ZNF385D: variants seen among roughly 807,000 people sequenced by gnomAD.
ZNF385D encodes the protein zinc finger protein 659.
ZNF385D carries 15 observed loss-of-function variants against 35.8 expected under a neutral mutation model. The observed-to-expected ratio is 0.42, with a 90% CI of 0.28 to 0.64. The LOEUF (loss-of-function observed/expected upper bound fraction) is 0.64, where lower values mean the gene tolerates loss of function less well. Ranked by LOEUF, ZNF385D falls within the 30% of genes least tolerant of loss-of-function variation. The pLI is 0.23. For missense variants in ZNF385D, 474 were observed against 494.6 expected, an observed-to-expected ratio of 0.96 and a Z score of 0.39; for synonymous variants, 212 against 186.8, an observed-to-expected ratio of 1.13 and a Z score of -1.10.
chr3:21,908,513 A>G (rs1482001359), intron 3 of ZNF385D, among the ~76,000 whole-genome samples: 21 of 152,126 alleles, frequency 1.4e-4, no homozygotes. Context: ...GCAGATTGGA[A>G]ACACTGTAAC....
At chr3:21,650,338 T>C (rs2125214228) in intron 2 of ZNF385D, among the ~76,000 whole-genome samples, 1 of 152,102 alleles carries the variant, frequency 6.6e-6, no homozygotes, top group South Asian at 2.1e-4. Flanking sequence ...TGAGTATTTT[T>C]TTCTTCAAGT....
intron 3 of ZNF385D, among the ~76,000 whole-genome samples, chr3:22,079,718 T>C (rs1426729379): frequency 6.6e-6 from 1 of 152,064 alleles, no homozygotes; most frequent in Non-Finnish European, 1.5e-5. Context: ...TTTGTATCAT[T>C]TTCTCTTTGA....
At chr3:22,311,933 T>C (rs1049489069) in intron 2 of ZNF385D, among the ~76,000 whole-genome samples, 5 of 152,132 alleles carry the variant, frequency 3.3e-5, no homozygotes, top group African/African-American at 4.8e-5. Flanking sequence ...TCAGTCTTCA[T>C]TGAGGCTACA....
In ZNF385D at chr3:21,924,191, C is replaced by T. The variant is rs111267729; in HGVS notation, c.325+244626G>A. 7.7e-3 allele frequency among the ~76,000 whole-genome samples: 1,176 copies of T among 152,238 alleles called. 13 individuals are homozygous for T. The highest frequency in any genetic ancestry group is 0.027 in the African/African-American group (1,125 of 41,538). ...GGAACAGATGTATATTTCCCTATTT[C>T]TACCACTAAATTCTGAAAACCCTGG... On this transcript the variant is annotated intron_variant, in intron 3 of 5. Transcript: ENST00000494108.
intron 1 of ZNF385D, among the ~76,000 whole-genome samples, chr3:21,736,784 C>A (rs1273712602): frequency 6.6e-6 from 1 of 152,146 alleles, no homozygotes; most frequent in African/African-American, 2.4e-5. Flanking sequence ...CAAATCCATG[C>A]TCTAAGAGGT....
At chr3:22,312,559 A>G (rs889389844) in intron 2 of ZNF385D, among the ~76,000 whole-genome samples, 14 of 152,056 alleles carry the variant, frequency 9.2e-5, no homozygotes, top group Admixed American at 2.0e-4. Context: ...TTTACAAGAA[A>G]AAAACAAATA....
chr3:21,545,857 A>G (rs2062353557), intron 3 of ZNF385D, among the ~76,000 whole-genome samples: 1 of 152,128 alleles, frequency 6.6e-6, no homozygotes, highest in Admixed American at 6.5e-5. Context: ...TTGGGACCTC[A>G]AGAGGAGAGG....
At chr3:21,995,058 G>A (rs1308338178) in intron 3 of ZNF385D, among the ~76,000 whole-genome samples, 2 of 152,218 alleles carry the variant, frequency 1.3e-5, no homozygotes, top group Admixed American at 6.5e-5. Flanking sequence ...GACAGCAATG[G>A]GCCAAATAAG....
At chr3:22,021,273 A>G (rs1312952149) in intron 3 of ZNF385D, among the ~76,000 whole-genome samples, 1 of 152,028 alleles carries the variant, frequency 6.6e-6, no homozygotes, top group Non-Finnish European at 1.5e-5. Context: ...AAGACTCAAC[A>G]TGTGAAGCAT....
chr3:22,138,495 C>G (rs896922191), intron 3 of ZNF385D, among the ~76,000 whole-genome samples: 4 of 151,610 alleles, frequency 2.6e-5, no homozygotes, highest in Non-Finnish European at 5.9e-5. Context: ...CAGAACAGAG[C>G]CCTCAGAAAT....
intron 3 of ZNF385D, among the ~76,000 whole-genome samples, chr3:22,151,360 T>C (rs1271592195): frequency 6.6e-6 from 1 of 152,098 alleles, no homozygotes; most frequent in East Asian, 1.9e-4. Context: ...AGTATTATGT[T>C]ATTAAATACC....
At chr3:21,788,759 G>A (rs1006505386) in intron 3 of ZNF385D, among the ~76,000 whole-genome samples, 2 of 152,170 alleles carry the variant, frequency 1.3e-5, no homozygotes, top group African/African-American at 4.8e-5. Context: ...ATTCAAAGGA[G>A]GCAACAGTCT....
chr3:22,340,095 G>C (rs1164144455), intron 2 of ZNF385D, among the ~76,000 whole-genome samples: 5 of 152,064 alleles, frequency 3.3e-5, no homozygotes, highest in Non-Finnish European at 5.9e-5. Context: ...AATACATTAA[G>C]TATTATCCAT....
At chr3:21,761,202 C>T (rs1384566060) in intron 3 of ZNF385D, among the ~76,000 whole-genome samples, 2 of 152,216 alleles carry the variant, frequency 1.3e-5, no homozygotes, top group Admixed American at 1.3e-4. Flanking sequence ...CTTCACACAC[C>T]TGCAGCCATG....
At chr3:22,329,833 T>G (rs1575131794) in intron 2 of ZNF385D, among the ~76,000 whole-genome samples, 1 of 152,208 alleles carries the variant, frequency 6.6e-6, no homozygotes, top group African/African-American at 2.4e-5. Context: ...AACATATAAT[T>G]GACATAAAAA....
At chr3:21,962,401 A>G (rs1336846331) in intron 3 of ZNF385D, among the ~76,000 whole-genome samples, 3 of 152,184 alleles carry the variant, frequency 2.0e-5, no homozygotes, top group Non-Finnish European at 4.4e-5. Context: ...TATGGAGAAA[A>G]GTTCACTGAA....
chr3:22,224,912 C>T (rs1400836445), intron 2 of ZNF385D, among the ~76,000 whole-genome samples: 3 of 152,096 alleles, frequency 2.0e-5, no homozygotes, highest in Non-Finnish European at 4.4e-5. Context: ...AACAGGGATG[C>T]TTTTTTACTA....
intron 3 of ZNF385D, among the ~76,000 whole-genome samples, chr3:21,903,062 C>T (rs1038181440): frequency 6.6e-6 from 1 of 152,098 alleles, no homozygotes; most frequent in African/African-American, 2.4e-5. Context: ...AAACAACCTT[C>T]GCAGTGCTAG....
chr3:22,007,735 TTAA>T (rs998640875), intron 3 of ZNF385D, among the ~76,000 whole-genome samples: 4 of 152,136 alleles, frequency 2.6e-5, no homozygotes, highest in Non-Finnish European at 4.4e-5. Context: ...AAAAATTATG[TTAA>T]TAATCATCAC....
Sources: allele counts gnomAD v4.1 joint callset (sites outside exome capture counted in the v4.1 genomes callset), GRCh38; gene constraint gnomAD v4.1.1; transcripts MANE v1.5; gene names NCBI Gene and HGNC (gene_info 2026-07-23, HGNC 2026-07-21).